The following LHFPL6 variants were observed in gnomAD, a reference collection of about 807,000 sequenced individuals.
LHFPL6 encodes LHFPL tetraspan subfamily member 6, also known as LHFPL tetraspan subfamily member 6 protein.
A neutral mutation model predicts 20.6 loss-of-function variants in LHFPL6; 9 were observed. The observed-to-expected ratio is 0.44, with a 90% CI of 0.26 to 0.76. The LOEUF (loss-of-function observed/expected upper bound fraction) is 0.76. Ranked by LOEUF, LHFPL6 falls within the 30% of genes least tolerant of loss-of-function variation. The pLI, the probability that LHFPL6 is intolerant of heterozygous loss-of-function variation, is 0.20. For synonymous variants in LHFPL6, 105 were observed against 98.7 expected (o/e 1.06, Z -0.38); for missense variants, 218 against 253.5 (o/e 0.86, Z 0.95).
chr13:39,518,222 C>G (rs553891618), intron 2 of LHFPL6, among the ~76,000 whole-genome samples: 1 of 152,296 alleles, frequency 6.6e-6, no homozygotes, highest in South Asian at 2.1e-4. Context: ...GTTTGTCTAA[C>G]TCAACTGTAC....
chr13:39,380,511 T>G (rs868712920), intron 2 of LHFPL6, among the ~76,000 whole-genome samples: 1 of 101,714 alleles, frequency 9.8e-6, no homozygotes, highest in Non-Finnish European at 2.2e-5. Flanking sequence ...GTGGCATCAG[T>G]TTTTTTTTTT....
Position 39,343,265 on chromosome 13 carries a change from T to C in LHFPL6, c.*671A>G. ...TTATGCAGGATATACAAAATACTGATAGTTTGGCTTATTGGTCCATTTATT... is the reference window on the plus strand; with the variant it reads ...TTATGCAGGATATACAAAATACTGACAGTTTGGCTTATTGGTCCATTTATT... On this transcript the variant is annotated 3_prime_UTR_variant, in exon 4 of 4. Coordinates refer to ENST00000379589, the MANE Select transcript of LHFPL6 (RefSeq NM_005780.3). 1 of 216,770 alleles carries C rather than the reference T, an allele frequency of 4.6e-6. No homozygotes were observed. The highest frequency in any genetic ancestry group is 9.3e-6 in the Non-Finnish European group (1 of 107,398). 13.4% of individuals were successfully genotyped at this position (216,770 alleles called of 1,614,324 possible).
Position 39,344,002 on chromosome 13 carries a change from G to C in LHFPL6, c.537C>G (p.Ala179=). 6.2e-7 allele frequency: 1 copy of C among 1,613,634 alleles called. No homozygotes were observed. The change falls in exon 4 of 4, where the codon GCC becomes GCG. Residue 179 remains alanine, a synonymous_variant. Transcript: ENST00000379589. The part of the protein sequence containing the change: ...AYYCTGAGAT[A]AMLLCTWLAC... ...CCAGCCACGTGCACAGCAGCATGGCGGCAGTGGCACCTGCTCCCGTGCAGT... is the reference window on the plus strand; with the variant it reads ...CCAGCCACGTGCACAGCAGCATGGCCGCAGTGGCACCTGCTCCCGTGCAGT...
intron 2 of LHFPL6, among the ~76,000 whole-genome samples, chr13:39,495,360 A>T (rs1450473390): frequency 6.6e-6 from 1 of 152,198 alleles, no homozygotes; most frequent in Admixed American, 6.5e-5. Flanking sequence ...AATAGGATTC[A>T]GTGAGTCTAG....
intron 2 of LHFPL6, among the ~76,000 whole-genome samples, chr13:39,470,077 T>C (rs2138435831): frequency 6.6e-6 from 1 of 152,238 alleles, no homozygotes; most frequent in South Asian, 2.1e-4. Context: ...AGCTAACCAT[T>C]TCATCTCTCC....
intron 2 of LHFPL6, among the ~76,000 whole-genome samples, chr13:39,456,738 G>T (rs1430879751): frequency 6.6e-6 from 1 of 151,042 alleles, no homozygotes; most frequent in African/African-American, 2.4e-5. Flanking sequence ...CAACATAAGA[G>T]CTAAAATGTT....
chr13:39,558,964 C>T (rs1871390173), intron 2 of LHFPL6, among the ~76,000 whole-genome samples: 1 of 152,168 alleles, frequency 6.6e-6, no homozygotes, highest in African/African-American at 2.4e-5. Flanking sequence ...CGCCTTTGGT[C>T]TTGGCCCATT....
At chr13:39,450,977 C>A (rs1026872123) in intron 2 of LHFPL6, among the ~76,000 whole-genome samples, 2 of 152,072 alleles carry the variant, frequency 1.3e-5, no homozygotes, top group Non-Finnish European at 2.9e-5. Flanking sequence ...TATTAGGACC[C>A]TCAATTACCA....
chr13:39,353,717 AAAAC>A (rs372542060), intron 3 of LHFPL6, among the ~76,000 whole-genome samples: 7 of 152,250 alleles, frequency 4.6e-5, no homozygotes, highest in African/African-American at 9.6e-5. Flanking sequence ...AACAGAACAA[AAAAC>A]AAACAAACAA....
At chr13:39,387,810 G>A (rs1354110324) in intron 2 of LHFPL6, among the ~76,000 whole-genome samples, 1 of 152,120 alleles carries the variant, frequency 6.6e-6, no homozygotes, top group Non-Finnish European at 1.5e-5. Flanking sequence ...AAATGGGAAG[G>A]AGGAATGGGG....
At chr13:39,559,831 A>G (rs912058639) in intron 2 of LHFPL6, among the ~76,000 whole-genome samples, 8 of 152,246 alleles carry the variant, frequency 5.3e-5, no homozygotes, top group Non-Finnish European at 1.0e-4. Flanking sequence ...GTTTTATTGA[A>G]TTAAATCCTT....
intron 2 of LHFPL6, among the ~76,000 whole-genome samples, chr13:39,541,470 G>A (rs1005659404): frequency 6.6e-6 from 1 of 152,136 alleles, no homozygotes; most frequent in African/African-American, 2.4e-5. Flanking sequence ...CTGGTGCAGG[G>A]ATTGTTCTTG....
intron 2 of LHFPL6, among the ~76,000 whole-genome samples, chr13:39,577,993 T>C (rs1226083916): frequency 1.3e-5 from 2 of 152,182 alleles, no homozygotes; most frequent in East Asian, 1.9e-4. Context: ...TATTTTAAAA[T>C]AGAAATGTCT....
At chr13:39,371,233 T>C (rs1445052156) in intron 3 of LHFPL6, among the ~76,000 whole-genome samples, 1 of 152,182 alleles carries the variant, frequency 6.6e-6, no homozygotes, top group East Asian at 1.9e-4. Flanking sequence ...ATGAAAGCAA[T>C]AATTACTCAA....
At chr13:39,448,632 G>A (rs1409259387) in intron 2 of LHFPL6, among the ~76,000 whole-genome samples, 1 of 152,206 alleles carries the variant, frequency 6.6e-6, no homozygotes, top group Non-Finnish European at 1.5e-5. Flanking sequence ...CTCATTAACA[G>A]AAATCACATG....
chr13:39,403,256 A>T (rs1871036383), intron 2 of LHFPL6, among the ~76,000 whole-genome samples: 1 of 152,218 alleles, frequency 6.6e-6, no homozygotes, highest in African/African-American at 2.4e-5. Context: ...GGAACATCCA[A>T]GCAGCTCTCC....
intron 2 of LHFPL6, among the ~76,000 whole-genome samples, chr13:39,389,883 G>A (rs1870659458): frequency 6.6e-6 from 1 of 152,136 alleles, no homozygotes; most frequent in Non-Finnish European, 1.5e-5. Context: ...TTCTACTTCA[G>A]CTTCTCTCCT....
chr13:39,347,840 T>C lies in LHFPL6; in HGVS notation c.485-3786A>G, dbSNP rs151300534. ...AAGAGTTGGCAAAATTTGTGGTCCA[T>C]CTGTTTAGCACTGGGCTCATAACAC... On this transcript the variant is annotated intron_variant, in intron 3 of 3. Transcript: ENST00000379589. Among the ~76,000 whole-genome samples the C allele has an allele frequency of 1.4e-4, 22 of 152,366 alleles. No individual in the cohort carries two copies. In the East Asian group the frequency reaches 3.1e-3, roughly 21 times the overall value.
At chr13:39,463,576 C>T (rs868097752) in intron 2 of LHFPL6, among the ~76,000 whole-genome samples, 4 of 152,148 alleles carry the variant, frequency 2.6e-5, no homozygotes, top group African/African-American at 9.7e-5. Context: ...GTACCTTAAT[C>T]TCCAGGTAGG....
Sources: gnomAD v4.1 joint callset for allele counts (sites outside exome capture counted in the v4.1 genomes callset) on GRCh38, gnomAD v4.1.1 for gene constraint, MANE v1.5 for transcripts, NCBI Gene and HGNC (gene_info 2026-07-23, HGNC 2026-07-21) for gene names.